POM121C: variants seen among roughly 807,000 people sequenced by gnomAD.
POM121C encodes the protein POM121 transmembrane nucleoporin C.
In POM121C, 20 loss-of-function variants were observed where a neutral mutation model predicts 66.4. That is an observed-to-expected ratio of 0.30 (90% CI 0.21 to 0.44). The LOEUF is 0.44. POM121C is among the 20% of genes least tolerant of loss of function. The pLI, the probability that POM121C is intolerant of heterozygous loss-of-function variation, is 1.00. For synonymous variants in POM121C, 286 were observed against 528.0 expected (o/e 0.54, Z 6.28); for missense variants, 580 against 1,225.7 (o/e 0.47, Z 7.87).
rs1554473454 is a variant in POM121C, at chr7:75,439,143, C to T, written c.308+1G>A. 2 of 1,614,222 alleles carry T rather than the reference C, an allele frequency of 1.2e-6. No homozygotes were observed. Among genetic ancestry groups the T allele is most frequent in the Non-Finnish European group, 1.7e-6 (2 of 1,180,026 alleles). ...TTTCATCTGGATGGACTCGCACTTACTTAGGCACAAAAGAAGCGGGGACTC... is the reference window on the plus strand; with the variant it reads ...TTTCATCTGGATGGACTCGCACTTATTTAGGCACAAAAGAAGCGGGGACTC... On this transcript the variant is annotated splice_donor_variant, in intron 6 of 14. Coordinates refer to ENST00000615331, the MANE Select transcript of POM121C (RefSeq NM_001099415.3). LOFTEE classifies it high-confidence loss of function.
intron 1 of POM121C, among the ~76,000 whole-genome samples, chr7:75,482,674 A>G (rs1554480302): frequency 1.3e-5 from 2 of 152,142 alleles, no homozygotes; most frequent in African/African-American, 2.4e-5. Context: ...TGGGTGACAG[A>G]GCAAGACCCT....
chr7:75,430,466 C>CA (rs1790122730), intron 7 of POM121C, among the ~76,000 whole-genome samples: 1 of 151,974 alleles, frequency 6.6e-6, no homozygotes, highest in African/African-American at 2.4e-5. Context: ...AAAAAACAAA[C>CA]AAACAAACAA....
intron 1 of POM121C, among the ~76,000 whole-genome samples, chr7:75,485,512 G>T (rs189187100): frequency 1.3e-5 from 2 of 152,162 alleles, no homozygotes; most frequent in African/African-American, 2.4e-5. Flanking sequence ...AGGTCTAAGG[G>T]GGGGGATCAG....
At chr7:75,478,155 T>TG (rs1230919996) in intron 1 of POM121C, among the ~76,000 whole-genome samples, 3 of 152,032 alleles carry the variant, frequency 2.0e-5, no homozygotes, top group African/African-American at 7.2e-5. Context: ...TTAGTAGAGA[T>TG]GGGGTTTCAC....
intron 1 of POM121C, among the ~76,000 whole-genome samples, 161 bp downstream of exon 1, chr7:75,485,703 G>GCAGCA (rs1792507081): frequency 6.6e-6 from 1 of 152,174 alleles, no homozygotes; most frequent in South Asian, 2.1e-4. Flanking sequence ...ATCTTCCCAT[G>GCAGCA]CAGCACCTGT....
chr7:75,471,466 G>A (rs587608933), intron 3 of POM121C, among the ~76,000 whole-genome samples: 2 of 152,138 alleles, frequency 1.3e-5, no homozygotes, highest in South Asian at 4.2e-4. Flanking sequence ...CCACAGTGCT[G>A]GGATTACAGG....
intron 1 of POM121C, chr7:75,484,234 T>G: frequency 6.2e-7 from 1 of 1,609,634 alleles, no homozygotes; most frequent in Non-Finnish European, 8.5e-7. Context: ...CTTGGAAACA[T>G]GCAGAGACTG....
chr7:75,434,036 A>T (rs2116380418), intron 7 of POM121C, among the ~76,000 whole-genome samples: 1 of 152,328 alleles, frequency 6.6e-6, no homozygotes, highest in South Asian at 2.1e-4. Flanking sequence ...CACTCCCACT[A>T]GCAACGTGTG....
rs587699052 is a variant in POM121C at position 75,419,479 on chromosome 7, G to A, written c.2744-37C>T. On this transcript the variant is annotated intron_variant, in intron 13 of 14. Transcript: ENST00000615331. ...AGAACAGAGAGCTAGCCAGTGAGCAGAGGGCGGAGGCAGGCGAGGAGCCGG... is the reference window on the plus strand; with the variant it reads ...AGAACAGAGAGCTAGCCAGTGAGCAAAGGGCGGAGGCAGGCGAGGAGCCGG... 45 of 1,606,654 alleles carry A rather than the reference G, an allele frequency of 2.8e-5. No homozygotes were observed. The African/African-American group carries it at 4.2e-4, about 15-fold the overall frequency.
chr7:75,477,456 A>G (rs1792134473), intron 1 of POM121C, among the ~76,000 whole-genome samples: 1 of 152,184 alleles, frequency 6.6e-6, no homozygotes. Context: ...TAGTTGTAGT[A>G]TTAAGGTCAA....
At chr7:75,439,077 G>C in intron 6 of POM121C, 67 bp downstream of exon 6, 1 of 1,550,116 alleles carries the variant, frequency 6.5e-7, no homozygotes, top group Non-Finnish European at 8.9e-7. Context: ...AAAATCTATA[G>C]GGCAACAGCT....
rs587740135 is a variant in POM121C, at chr7:75,421,801, G to A, written c.2451C>T (p.Thr817=). ...CCGAGCTGCTGCTCCCGCTGCTGGC[G>A]GTCTGGGTGGTGGCTCCAAAGCCGG... ...TSSGFGATTQ[T]ASSGSSSSVF... is the part of the protein sequence containing the mutation. The change falls in exon 13 of 15, where the codon ACC becomes ACT. Residue 817 remains threonine, a synonymous_variant. Transcript: ENST00000615331. The A allele has an allele frequency of 2.7e-5, 44 of 1,608,658 alleles. No individual in the cohort carries two copies. Among genetic ancestry groups the A allele is most frequent in the South Asian group, 2.0e-4 (18 of 90,928 alleles).
chr7:75,418,481 C>A lies in POM121C; in HGVS notation c.*315G>T, dbSNP rs1584638220. ...CGGGGAAAGGTGGAAGGGGCGCCTG[C>A]CTAAGGGTGCGCTAAGCGGGAGTCA... On this transcript the variant is annotated 3_prime_UTR_variant, in exon 15 of 15. Coordinates refer to ENST00000615331, the MANE Select transcript of POM121C (RefSeq NM_001099415.3). 2.7e-6 allele frequency: 3 copies of A among 1,106,250 alleles called. No homozygotes were observed. The highest frequency in any genetic ancestry group is 3.9e-4 in the Middle Eastern group (1 of 2,540). 68.5% of individuals were successfully genotyped at this position (1,106,250 alleles called of 1,614,324 possible).
At chr7:75,444,453 G>A (rs1446507358) in intron 3 of POM121C, among the ~76,000 whole-genome samples, 1 of 149,078 alleles carries the variant, frequency 6.7e-6, no homozygotes, top group African/African-American at 2.4e-5. Flanking sequence ...TAGGTCAGTA[G>A]GGGCTCTTTG....
chr7:75,459,828 AC>A (rs1791387496), intron 3 of POM121C, among the ~76,000 whole-genome samples: 1 of 143,958 alleles, frequency 6.9e-6, no homozygotes, highest in African/African-American at 2.6e-5. Context: ...GATATTCAAG[AC>A]AACAATACCA....
Position 75,443,317 on chromosome 7 carries a change from ATGAC to A in POM121C, c.-151-1674_-151-1671del, listed in dbSNP as rs587691009. Among the ~76,000 whole-genome samples the A allele has an allele frequency of 2.4e-4, 36 of 152,188 alleles. No individual in the cohort carries two copies. In the South Asian group the frequency reaches 7.1e-3, roughly 30 times the overall value. ...TGGGTTTGGGGGTGGGGAATAGAAA[ATGAC>A]TGCTTATGGGTATAGGCTTTCTCGT... On this transcript the variant is annotated intron_variant, in intron 3 of 14. Transcript: ENST00000615331.
chr7:75,417,924 T>G lies in POM121C; in HGVS notation c.*872A>C, dbSNP rs1436237239. The G allele has an allele frequency of 1.0e-6, 1 of 985,092 alleles. No homozygotes were observed. Among genetic ancestry groups the G allele is most frequent in the Middle Eastern group, 5.2e-4 (1 of 1,934 alleles). The allele number at this position is 985,092 out of a possible 1,614,324, so 61.0% of individuals were successfully genotyped here. A position where few individuals can be genotyped will look rare whatever the true frequency, so the allele number is the denominator to read the frequency against. On this transcript the variant is annotated 3_prime_UTR_variant, in exon 15 of 15. Transcript: ENST00000615331. ...CCTCCAAACTCGATTCAAAGAGCAA[T>G]ACACAGAGCGTCAGACAAAGGAACA...
chr7:75,418,356 A>G lies in POM121C; in HGVS notation c.*440T>C. The G allele has an allele frequency of 1.0e-6, 1 of 987,698 alleles. No individual in the cohort carries two copies. Among genetic ancestry groups the G allele is most frequent in the Non-Finnish European group, 1.2e-6 (1 of 830,886 alleles). 61.2% of individuals were successfully genotyped at this position (987,698 alleles called of 1,614,324 possible). ...ACCACTTCTCACAGCTAAGCCAAGC[A>G]AGATAAAGCTTTAGGGATAACCCAT... On this transcript the variant is annotated 3_prime_UTR_variant, in exon 15 of 15. Coordinates refer to ENST00000615331, the MANE Select transcript of POM121C (RefSeq NM_001099415.3).
rs587672658 is a variant in POM121C, at chr7:75,474,672, A to G, written c.-152+32T>C. 4.0e-5 allele frequency: 49 copies of G among 1,214,104 alleles called. No individual in the cohort carries two copies. The East Asian group carries it at 7.5e-4, about 19-fold the overall frequency. 75.2% of individuals were successfully genotyped at this position (1,214,104 alleles called of 1,614,324 possible). A position where few individuals can be genotyped will look rare whatever the true frequency, so the allele number is the denominator to read the frequency against. ...TCACTCCCAAAGGTCTGGGATGAGC[A>G]TTTTTTAACATTTGATACTCTACTA... On this transcript the variant is annotated intron_variant, in intron 3 of 14. Coordinates refer to ENST00000615331, the MANE Select transcript of POM121C (RefSeq NM_001099415.3).
Sources: allele counts gnomAD v4.1 joint callset (sites outside exome capture counted in the v4.1 genomes callset), GRCh38; gene constraint gnomAD v4.1.1; transcripts MANE v1.5; gene names NCBI Gene and HGNC (gene_info 2026-07-23, HGNC 2026-07-21).